POTEM: variants seen among roughly 807,000 people sequenced by gnomAD.
POTEM encodes the protein POTE ankyrin domain family member M.
For missense variants in POTEM, 24 were observed against 343.0 expected (o/e 0.07, Z 7.35); for synonymous variants, 8 against 113.2 (o/e 0.07, Z 5.90).
At chr14:18,985,840 G>T (rs1233020804) in intron 7 of POTEM, among the ~76,000 whole-genome samples, 1 of 143,650 alleles carries the variant, frequency 7.0e-6, no homozygotes, top group Non-Finnish European at 1.5e-5. Context: ...GGGGGGTGGA[G>T]CTTGCAGTGA....
At chr14:18,991,240 C>T (rs1171347108) in intron 9 of POTEM, among the ~76,000 whole-genome samples, 5 of 106,666 alleles carry the variant, frequency 4.7e-5, no homozygotes, top group Non-Finnish European at 2.2e-5. Context: ...ATGTCTCCAA[C>T]TCAGATCTCA....
intron 7 of POTEM, among the ~76,000 whole-genome samples, chr14:18,986,811 C>G (rs1229346720): frequency 6.6e-6 from 1 of 151,588 alleles, no homozygotes; most frequent in Non-Finnish European, 1.5e-5. Context: ...TGCAACACTA[C>G]AAATGATCTG....
intron 1 of POTEM, among the ~76,000 whole-genome samples, chr14:18,968,404 C>T (rs1356863129): frequency 2.6e-5 from 4 of 152,270 alleles, no homozygotes; most frequent in East Asian, 3.8e-4. Context: ...CAAATAAAAT[C>T]CAGTATGGAT....
rs767378499 is a variant in POTEM at position 18,977,468 on chromosome 14, C to G, written c.920C>G (p.Thr307Ser). ...NLNALDRYGR[T>S]VLILAVCCGS... Reference sequence around the variant, plus strand: ...TGTTCCTATCTCTGTCATTTTAGAACTGTTCTCATACTTGCTGTATGTTGT... The same window carrying G: ...TGTTCCTATCTCTGTCATTTTAGAAGTGTTCTCATACTTGCTGTATGTTGT... The change falls in exon 5 of 11, where the codon ACT becomes AGT. Residue 307 changes from threonine (T) to serine (S), a missense_variant and splice_region_variant. Transcript: ENST00000547889. 4.4e-4 allele frequency: 222 copies of G among 506,754 alleles called. 74 individuals are homozygous for G. The highest frequency in any genetic ancestry group is 6.7e-4 in the Non-Finnish European group (214 of 321,482). The allele number at this position is 506,754 out of a possible 1,614,324, so 31.4% of individuals were successfully genotyped here. A position where few individuals can be genotyped will look rare whatever the true frequency, so the allele number is the denominator to read the frequency against.
chr14:18,967,812 C>T lies in POTEM; in HGVS notation c.327C>T (p.Cys109=). 1 of 1,565,582 alleles carries T rather than the reference C, an allele frequency of 6.4e-7. No homozygotes were observed. Among genetic ancestry groups the T allele is most frequent in the Non-Finnish European group, 8.7e-7 (1 of 1,154,750 alleles). The change falls in exon 1 of 11, where the codon TGC becomes TGT. Residue 109 remains cysteine (C), a synonymous_variant. Coordinates refer to ENST00000547889, the MANE Select transcript of POTEM (RefSeq NM_001145442.1). Reference sequence around the variant, plus strand: ...GGTGCTGCCACTGCTTCCCCTGCTGCAGGGGGAGCGGCAAGAGCAAAGTGG... The same window carrying T: ...GGTGCTGCCACTGCTTCCCCTGCTGTAGGGGGAGCGGCAAGAGCAAAGTGG... ...GKWCCHCFPC[C]RGSGKSKVGP...
At chr14:18,969,103 A>T (rs2138947387) in intron 1 of POTEM, among the ~76,000 whole-genome samples, 2 of 145,808 alleles carry the variant, frequency 1.4e-5, no homozygotes, top group South Asian at 4.5e-4. Context: ...TTAGCGCTTG[A>T]TAATGGTGAC....
In POTEM at chr14:19,002,687, TA is replaced by T. The variant is rs1891404711; in HGVS notation, c.*4023del. Reference sequence around the variant, plus strand: ...AGGGCACTCTCAGATGCCCATACCATAGTTTCTGTGCTAGTGGACCGTACCA... The same window carrying T: ...AGGGCACTCTCAGATGCCCATACCATGTTTCTGTGCTAGTGGACCGTACCA... On this transcript the variant is annotated 3_prime_UTR_variant, in exon 11 of 11. Coordinates refer to ENST00000547889, the MANE Select transcript of POTEM (RefSeq NM_001145442.1). Among the ~76,000 whole-genome samples, 1 of 152,180 alleles carries T rather than the reference TA, an allele frequency of 6.6e-6. No individual in the cohort carries two copies. Among genetic ancestry groups the T allele is most frequent in the African/African-American group, 2.4e-5 (1 of 41,438 alleles).
intron 6 of POTEM, among the ~76,000 whole-genome samples, chr14:18,983,026 G>A (rs1380038993): frequency 2.2e-5 from 2 of 90,996 alleles, no homozygotes; most frequent in African/African-American, 4.9e-5. Context: ...TAACCTAGAC[G>A]TGAGGAAGGA....
intron 7 of POTEM, among the ~76,000 whole-genome samples, chr14:18,985,913 A>G (rs1377693272): frequency 7.7e-6 from 1 of 129,812 alleles, no homozygotes; most frequent in Admixed American, 7.7e-5. Flanking sequence ...CAAAAAAAAA[A>G]AAAAAAAAAA....
At chr14:18,996,226 C>T (rs1412338411) in intron 9 of POTEM, among the ~76,000 whole-genome samples, 83 of 151,344 alleles carry the variant, frequency 5.5e-4, no homozygotes, top group Non-Finnish European at 4.9e-4. Flanking sequence ...TCACATCTCT[C>T]TCTCATACAC....
chr14:18,986,372 C>A (rs1891183181), intron 7 of POTEM, among the ~76,000 whole-genome samples: 1 of 139,684 alleles, frequency 7.2e-6, no homozygotes, highest in African/African-American at 2.9e-5. Context: ...TCATTGACCT[C>A]AGTGTTTCTG....
intron 3 of POTEM, among the ~76,000 whole-genome samples, chr14:18,975,209 G>A (rs1292353719): frequency 2.2e-4 from 15 of 69,146 alleles, no homozygotes; most frequent in Admixed American, 1.7e-3. Context: ...TCAATAAGTA[G>A]AGGATGGCCC....
chr14:18,969,138 G>A (rs1279010853), intron 1 of POTEM, among the ~76,000 whole-genome samples: 2 of 138,262 alleles, frequency 1.4e-5, no homozygotes, highest in African/African-American at 5.7e-5. Context: ...AAAAAAGATG[G>A]ATTGTTCATA....
At chr14:18,986,552 A>G (rs1186479413) in intron 7 of POTEM, among the ~76,000 whole-genome samples, 1 of 140,034 alleles carries the variant, frequency 7.1e-6, no homozygotes, top group Admixed American at 7.1e-5. Context: ...ATTAGTACAT[A>G]TTAGAATATA....
intron 3 of POTEM, chr14:18,975,007 AG>A (rs1890931178): frequency 2.7e-6 from 1 of 365,210 alleles, no homozygotes; most frequent in Non-Finnish European, 5.2e-6. Context: ...CCAAAGTGCT[AG>A]GATTACAGGT....
intron 9 of POTEM, among the ~76,000 whole-genome samples, chr14:18,996,193 A>C (rs1274032092): frequency 6.6e-6 from 1 of 151,614 alleles, no homozygotes; most frequent in East Asian, 1.9e-4. Context: ...GTAAAATGGA[A>C]AGTGCTTAAC....
chr14:18,984,604 G>A (rs1479737090), intron 6 of POTEM, among the ~76,000 whole-genome samples: 1 of 99,832 alleles, frequency 1.0e-5, no homozygotes, highest in Non-Finnish European at 1.9e-5. Context: ...GGAGATACCT[G>A]TTTATTTGGG....
intron 1 of POTEM, among the ~76,000 whole-genome samples, chr14:18,969,386 A>T (rs1178894696): frequency 8.3e-6 from 1 of 120,864 alleles, no homozygotes; most frequent in African/African-American, 3.3e-5. Context: ...TATACACAAA[A>T]TTTCTTTTTT....
chr14:18,969,353 A>ATGTGTGTG (rs1491189147), intron 1 of POTEM, among the ~76,000 whole-genome samples: 32 of 100,906 alleles, frequency 3.2e-4, no homozygotes, highest in Non-Finnish European at 4.7e-4. Context: ...ATATATATAC[A>ATGTGTGTG]TGTGTATATA....
Sources: allele counts gnomAD v4.1 joint callset (sites outside exome capture counted in the v4.1 genomes callset), GRCh38; gene constraint gnomAD v4.1.1; transcripts MANE v1.5; gene names NCBI Gene and HGNC (gene_info 2026-07-23, HGNC 2026-07-21).